The following ASNSD1 variants were observed in gnomAD, a reference collection of about 807,000 sequenced individuals.
The protein encoded by ASNSD1 is asparagine synthetase domain containing 1.
ASNSD1 carries 36 observed loss-of-function variants against 48.3 expected under a neutral mutation model. The observed-to-expected ratio is 0.75, with a 90% confidence interval of 0.57 to 0.99. ASNSD1 has a LOEUF of 0.99. ASNSD1 is among the 50% of genes least tolerant of loss of function. ASNSD1 has a pLI of 0.00. For missense variants in ASNSD1, 714 were observed against 758.2 expected (o/e 0.94, Z 0.69); for synonymous variants, 257 against 262.1 (o/e 0.98, Z 0.19).
Position 189,663,248 on chromosome 2 carries a change from A to T in ASNSD1, c.-222-653A>T, listed in dbSNP as rs538741966. On this transcript the variant is annotated intron_variant, in intron 1 of 5. Transcript: ENST00000260952. Reference sequence around the variant, plus strand: ...TATATCATATATATATATTTTTTAAATTATTTATTTATTTATTTTTTTGAG... The same window carrying T: ...TATATCATATATATATATTTTTTAATTTATTTATTTATTTATTTTTTTGAG... Among the ~76,000 whole-genome samples the T allele has an allele frequency of 4.6e-4, 69 of 148,706 alleles. 1 individual carries two copies. In the South Asian group the frequency reaches 9.7e-3, roughly 21 times the overall value.
In ASNSD1 at chr2:189,666,932, G is replaced by A. The variant is rs1210607620; in HGVS notation, c.800G>A (p.Arg267Lys). 4 of 1,613,994 alleles carry A rather than the reference G, an allele frequency of 2.5e-6. No individual in the cohort carries two copies. Among genetic ancestry groups the A allele is most frequent in the Non-Finnish European group, 2.5e-6 (3 of 1,180,006 alleles). ...AATATTTCCAATGTGCCACCTACAA[G>A]AGAGATACTTCAAGTCTTTCTTACT... ...CSNISNVPPT[R>K]EILQVFLTDV... The change falls in exon 4 of 6, where the codon AGA becomes AAA. Residue 267 changes from arginine to lysine, a missense_variant. Physicochemically the swap from Arg to Lys is conservative, Grantham distance 26 (BLOSUM62 2). Coordinates refer to ENST00000260952, the MANE Select transcript of ASNSD1 (RefSeq NM_019048.4).
Position 189,666,589 on chromosome 2 carries a change from A to G in ASNSD1, c.457A>G (p.Ser153Gly), listed in dbSNP as rs762214044. The G allele has an allele frequency of 3.1e-6, 5 of 1,613,968 alleles. No homozygotes were observed. In the African/African-American group the frequency reaches 6.7e-5, roughly 22 times the overall value. ...LLWHFSNLGKSFCLSSVGTQT... is the reference protein window; with the variant it reads ...LLWHFSNLGKGFCLSSVGTQT... ...TTGGCATTTTAGTAATTTGGGCAAG[A>G]GTTTCTGCCTCTCTTCAGTTGGCAC... Residue 153 changes from serine to glycine, a missense_variant, in exon 4 of 6, where the codon AGT (serine) becomes GGT (glycine). Physicochemically the swap from Ser to Gly is moderately conservative, Grantham distance 56 (BLOSUM62 0). Transcript: ENST00000260952.
chr2:189,670,737 A>G lies in ASNSD1; in HGVS notation c.*11A>G. ...GAGACTAAATTGTAATGTGATTCAC[A>G]ATGTAACAATATAAAAATAAGTTTT... On this transcript the variant is annotated 3_prime_UTR_variant, in exon 6 of 6. Transcript: ENST00000260952. The G allele has an allele frequency of 2.7e-6, 4 of 1,487,908 alleles. No individual in the cohort carries two copies. The highest frequency in any genetic ancestry group is 2.7e-6 in the Non-Finnish European group (3 of 1,114,562). 92.2% of individuals were successfully genotyped at this position (1,487,908 alleles called of 1,614,324 possible). A position where few individuals can be genotyped will look rare whatever the true frequency, so the allele number is the denominator to read the frequency against.
At chr2:189,662,981 C>G (rs2032703117) in intron 1 of ASNSD1, among the ~76,000 whole-genome samples, 1 of 142,896 alleles carries the variant, frequency 7.0e-6, no homozygotes, top group South Asian at 2.2e-4. Flanking sequence ...CCCAGTTCAA[C>G]AGTGCCAGCT....
chr2:189,663,084 A>G (rs1434050193), intron 1 of ASNSD1, among the ~76,000 whole-genome samples: 3 of 152,074 alleles, frequency 2.0e-5, no homozygotes, highest in African/African-American at 7.2e-5. Context: ...CTTGATTTGA[A>G]TGTTTGACTG....
In ASNSD1 at chr2:189,666,278, T is replaced by G. The variant is rs2105686313; in HGVS notation, c.146T>G (p.Phe49Cys). The G allele has an allele frequency of 6.2e-7, 1 of 1,614,176 alleles. No homozygotes were observed. Among genetic ancestry groups the G allele is most frequent in the East Asian group, 2.2e-5 (1 of 44,880 alleles). Residue 49 changes from phenylalanine to cysteine, a missense_variant, in exon 4 of 6, where the codon TTT (phenylalanine) becomes TGT (cysteine). Phe to Cys is a radical substitution (Grantham distance 205, BLOSUM62 -2). Coordinates refer to ENST00000260952, the MANE Select transcript of ASNSD1 (RefSeq NM_019048.4). ...LKSDVNYQCL[F>C]SAHVLHLRGV... ...TCTGATGTTAACTACCAGTGTTTAT[T>G]TTCTGCTCACGTCCTACACTTGAGG...
In ASNSD1 at chr2:189,669,477, A is replaced by C. The variant is rs562927956; in HGVS notation, c.1647-964A>C. Among the ~76,000 whole-genome samples, 3 of 152,382 alleles carry C rather than the reference A, an allele frequency of 2.0e-5. No individual in the cohort carries two copies. The East Asian group carries it at 5.8e-4, about 29-fold the overall frequency. Reference sequence around the variant, plus strand: ...TATAACAAATATAGTGGCTAGATCTAAATAATTTATTACGTATCTTGACAT... The same window carrying C: ...TATAACAAATATAGTGGCTAGATCTCAATAATTTATTACGTATCTTGACAT... On this transcript the variant is annotated intron_variant, in intron 5 of 5. Coordinates refer to ENST00000260952, the MANE Select transcript of ASNSD1 (RefSeq NM_019048.4).
Position 189,666,500 on chromosome 2 carries a change from A to G in ASNSD1, c.368A>G (p.Tyr123Cys), listed in dbSNP as rs1349171693. 6.2e-7 allele frequency: 1 copy of G among 1,613,490 alleles called. No individual in the cohort carries two copies. The highest frequency in any genetic ancestry group is 1.3e-5 in the African/African-American group (1 of 74,960). Reference sequence around the variant, plus strand: ...GTACAAGGTCCCTGGTCATTTATATATTATCAAGCATCTAGTCATTATTTA... The same window carrying G: ...GTACAAGGTCCCTGGTCATTTATATGTTATCAAGCATCTAGTCATTATTTA... ...SEVQGPWSFI[Y>C]YQASSHYLWF... The change falls in exon 4 of 6, where the codon TAT becomes TGT. Residue 123 changes from tyrosine to cysteine, a missense_variant. Transcript: ENST00000260952.
chr2:189,668,044 C>A, intron 5 of ASNSD1, 99 bp downstream of exon 5: 1 of 1,149,688 alleles, frequency 8.7e-7, no homozygotes, highest in Non-Finnish European at 1.2e-6. Flanking sequence ...AGACTGTTCA[C>A]ATGAATAAGA....
rs376147861 is a variant in ASNSD1, at chr2:189,666,288, C to T, written c.156C>T (p.His52=). 22 of 1,613,964 alleles carry T rather than the reference C, an allele frequency of 1.4e-5. No individual in the cohort carries two copies. The African/African-American group carries it at 1.9e-4, about 14-fold the overall frequency. The part of the protein sequence containing the change: ...DVNYQCLFSA[H]VLHLRGVLTT... ...ACTACCAGTGTTTATTTTCTGCTCA[C>T]GTCCTACACTTGAGGGGTGTTTTGA... The change falls in exon 4 of 6, where the codon CAC becomes CAT. Residue 52 remains histidine, a synonymous_variant. Transcript: ENST00000260952.
At chr2:189,662,569 G>T (rs1267119487) in intron 1 of ASNSD1, among the ~76,000 whole-genome samples, 1 of 152,062 alleles carries the variant, frequency 6.6e-6, no homozygotes, top group Non-Finnish European at 1.5e-5. Context: ...GGGATTGGGG[G>T]TGAATTTTCA....
At position 189,667,021 on chromosome 2, in the gene ASNSD1, C is replaced by T. The variant is rs781735004; in HGVS notation, c.889C>T (p.Arg297Cys). The part of the protein sequence containing the change: ...IDVLSVAVKK[R>C]VLCLPRDENL... ...TGTCCTGAGTGTAGCAGTCAAGAAA[C>T]GTGTCTTGTGTTTACCTAGGGATGA... Residue 297 changes from arginine (R) to cysteine (C), a missense_variant, in exon 4 of 6, where the codon CGT becomes TGT. Arg to Cys is a radical substitution (Grantham distance 180). Transcript: ENST00000260952. 3.7e-6 allele frequency: 6 copies of T among 1,614,074 alleles called. No homozygotes were observed. The highest frequency in any genetic ancestry group is 2.2e-5 in the South Asian group (2 of 91,072).
Position 189,666,363 on chromosome 2 carries a change from A to G in ASNSD1, c.231A>G (p.Gly77=), listed in dbSNP as rs754743584. The change falls in exon 4 of 6, where the codon GGA becomes GGG. Residue 77 remains glycine (G), a synonymous_variant. Coordinates refer to ENST00000260952, the MANE Select transcript of ASNSD1 (RefSeq NM_019048.4). ...GAGGCAATGTGTTTCTATGGAATGG[A>G]GAAATTTTTAGTGGAATAAAGGTTG... is the stretch of plus-strand genomic sequence containing the variant. ...DERGNVFLWN[G]EIFSGIKVEA... 2.5e-6 allele frequency: 4 copies of G among 1,613,834 alleles called. No individual in the cohort carries two copies. The highest frequency in any genetic ancestry group is 3.4e-6 in the Non-Finnish European group (4 of 1,179,802).
chr2:189,665,613 T>TAC (rs1342802468), intron 3 of ASNSD1, among the ~76,000 whole-genome samples, 162 bp downstream of exon 3: 7 of 30,688 alleles, frequency 2.3e-4, no homozygotes, highest in African/African-American at 4.7e-4. Flanking sequence ...TATATATATA[T>TAC]ATATATATAT....
intron 2 of ASNSD1, 113 bp downstream of exon 2, chr2:189,664,067 A>G: frequency 3.0e-6 from 1 of 335,720 alleles, no homozygotes; most frequent in African/African-American, 2.1e-5. Context: ...TAAAATGTAT[A>G]GTATTTCAGC....
intron 5 of ASNSD1, among the ~76,000 whole-genome samples, chr2:189,668,672 C>T (rs1271962198): frequency 1.3e-5 from 2 of 152,234 alleles, no homozygotes; most frequent in Non-Finnish European, 2.9e-5. Flanking sequence ...ATAGACATTT[C>T]TGTATGTACA....
intron 1 of ASNSD1, among the ~76,000 whole-genome samples, chr2:189,663,239 A>C (rs28733124): frequency 6.8e-6 from 1 of 146,256 alleles, no homozygotes; most frequent in African/African-American, 2.5e-5. Flanking sequence ...ATATATATAT[A>C]TTTTTTAAAT....
At chr2:189,669,267 C>T (rs562294101) in intron 5 of ASNSD1, among the ~76,000 whole-genome samples, 1 of 152,112 alleles carries the variant, frequency 6.6e-6, no homozygotes, top group Non-Finnish European at 1.5e-5. Context: ...TAATAAAGTC[C>T]GTAAACTGTT....
At chr2:189,662,268 CT>C (rs995880130) in intron 1 of ASNSD1, among the ~76,000 whole-genome samples, 6 of 152,296 alleles carry the variant, frequency 3.9e-5, no homozygotes, top group African/African-American at 1.4e-4. Context: ...AACAAACAAC[CT>C]TTAAAGATAA....
Sources: allele counts gnomAD v4.1 joint callset (sites outside exome capture counted in the v4.1 genomes callset), GRCh38; gene constraint gnomAD v4.1.1; transcripts MANE v1.5; gene names NCBI Gene and HGNC (gene_info 2026-07-23, HGNC 2026-07-21).